Variants in RAB11FIP3 observed in about 807,000 individuals in gnomAD.
RAB11FIP3 encodes the protein rab11 family-interacting protein 3.
In RAB11FIP3, 17 loss-of-function variants were observed where a neutral mutation model predicts 77.8. That is an observed-to-expected ratio of 0.22 (90% CI 0.15 to 0.33). The LOEUF is 0.33. Ranked by LOEUF, RAB11FIP3 falls within the 10% of genes least tolerant of loss-of-function variation. The pLI is 1.00. For synonymous variants in RAB11FIP3, 437 were observed against 448.2 expected (o/e 0.98, Z 0.31); for missense variants, 1,005 against 1,011.2 (o/e 0.99, Z 0.08).
rs1442055007 is a variant in RAB11FIP3 at position 514,408 on chromosome 16, C to G, written c.1640+3608C>G. Among the ~76,000 whole-genome samples, 1 of 152,218 alleles carries G rather than the reference C, an allele frequency of 6.6e-6. No individual in the cohort carries two copies. Among genetic ancestry groups the G allele is most frequent in the Non-Finnish European group, 1.5e-5 (1 of 68,036 alleles). ...GCAGAGGATCTGGAGGCAGGACTCC[C>G]AGCACCTGCGTCGGAACCTCCTGGG... On this transcript the variant is annotated intron_variant, in intron 9 of 13. Transcript: ENST00000262305. The surrounding 1 kb of genome is among the most constrained non-coding windows in gnomAD (Gnocchi z 4.6).
chr16:492,398 G>A (rs549390669), intron 5 of RAB11FIP3, among the ~76,000 whole-genome samples: 1 of 135,228 alleles, frequency 7.4e-6, no homozygotes, highest in Non-Finnish European at 1.6e-5. Flanking sequence ...AGCCCTCCCC[G>A]GGAGACCCGA....
At chr16:474,715 A>C in intron 3 of RAB11FIP3, 1 of 896,256 alleles carries the variant, frequency 1.1e-6, no homozygotes, top group Non-Finnish European at 1.5e-6. Flanking sequence ...TTTTGTGCAA[A>C]CCATTATCAG....
At position 472,713 on chromosome 16, in the gene RAB11FIP3, A is replaced by T. The variant is rs979137409; in HGVS notation, c.903+1324A>T. On this transcript the variant is annotated intron_variant, in intron 3 of 13. Transcript: ENST00000262305. The surrounding 1 kb of genome is among the most constrained non-coding windows in gnomAD (Gnocchi z 4.1). Reference sequence around the variant, plus strand: ...TCTCATGTTTGTTAGGGCATTGTTGATTGTTTATATCCTATGTATGGTGCA... The same window carrying T: ...TCTCATGTTTGTTAGGGCATTGTTGTTTGTTTATATCCTATGTATGGTGCA... Among the ~76,000 whole-genome samples the T allele has an allele frequency of 1.3e-5, 2 of 152,014 alleles. No individual in the cohort carries two copies. The highest frequency in any genetic ancestry group is 1.3e-4 in the Admixed American group (2 of 15,242).
At chr16:508,535 G>A (rs1244286307) in intron 8 of RAB11FIP3, among the ~76,000 whole-genome samples, 5 of 152,120 alleles carry the variant, frequency 3.3e-5, no homozygotes, top group Admixed American at 1.3e-4. Flanking sequence ...CACTGTGCCC[G>A]GCTGATTTTT....
At chr16:497,644 G>A (rs1165767574) in intron 6 of RAB11FIP3, among the ~76,000 whole-genome samples, 2 of 152,126 alleles carry the variant, frequency 1.3e-5, no homozygotes, top group African/African-American at 4.8e-5. Context: ...CCACACTGGT[G>A]GGTTCCTTTG....
chr16:436,025 C>A (rs1195981924), intron 1 of RAB11FIP3, among the ~76,000 whole-genome samples: 3 of 152,014 alleles, frequency 2.0e-5, no homozygotes. Context: ...GAGATGGGAT[C>A]ATTGGCCAGG....
intron 1 of RAB11FIP3, among the ~76,000 whole-genome samples, chr16:435,902 C>A (rs1371940212): frequency 1.3e-5 from 2 of 152,208 alleles, no homozygotes; most frequent in East Asian, 3.9e-4. Flanking sequence ...CTAGATAGAA[C>A]ATTGAATTTG....
At chr16:439,420 A>G (rs1047057876) in intron 1 of RAB11FIP3, 3 of 152,200 alleles carry the variant, frequency 2.0e-5, no homozygotes, top group Non-Finnish European at 2.9e-5. Context: ...GCAAATTGGT[A>G]TTACTCTGGT....
intron 2 of RAB11FIP3, among the ~76,000 whole-genome samples, chr16:462,790 C>T (rs1596229234): frequency 1.4e-5 from 2 of 146,670 alleles, no homozygotes; most frequent in Non-Finnish European, 3.0e-5. Flanking sequence ...TTCCCCAGCA[C>T]CATCCCTTCC....
At chr16:496,674 T>A (rs1267724800) in intron 5 of RAB11FIP3, 150 bp from the exon 6 acceptor site, 1 of 715,720 alleles carries the variant, frequency 1.4e-6, no homozygotes, top group Non-Finnish European at 2.4e-6. Context: ...AGTGAGCATT[T>A]GTGCATGGAC....
chr16:435,078 G>A (rs1324833278), intron 1 of RAB11FIP3, among the ~76,000 whole-genome samples: 1 of 151,728 alleles, frequency 6.6e-6, no homozygotes, highest in East Asian at 1.9e-4. Context: ...AGTGGCGGGT[G>A]CCTATAGTCC....
chr16:489,059 G>A lies in RAB11FIP3; in HGVS notation c.1265+59G>A, dbSNP rs1002013340. 10 of 1,545,846 alleles carry A rather than the reference G, an allele frequency of 6.5e-6. No individual in the cohort carries two copies. In the East Asian group the frequency reaches 1.4e-4, roughly 22 times the overall value. ...CTCTTCTTCCCGTGGTTAGTAGTGG[G>A]AAGTTTCCCTTTTTGGTTCGTGCAT... is the stretch of plus-strand genomic sequence containing the variant. On this transcript the variant is annotated intron_variant, in intron 5 of 13. Transcript: ENST00000262305.
At chr16:487,448 C>G (rs1325367310) in intron 4 of RAB11FIP3, among the ~76,000 whole-genome samples, 1 of 152,108 alleles carries the variant, frequency 6.6e-6, no homozygotes, top group Non-Finnish European at 1.5e-5. Context: ...TGTTTGAGGC[C>G]ATGGGATTCA....
At chr16:516,064 G>A (rs988979041) in intron 9 of RAB11FIP3, among the ~76,000 whole-genome samples, 7 of 152,214 alleles carry the variant, frequency 4.6e-5, no homozygotes, top group Non-Finnish European at 1.0e-4. Flanking sequence ...TGGCCTCCCC[G>A]GCAGTGCAGA....
chr16:487,003 G>A (rs915231680), intron 4 of RAB11FIP3, among the ~76,000 whole-genome samples: 2 of 152,172 alleles, frequency 1.3e-5, no homozygotes, highest in Admixed American at 6.5e-5. Context: ...TTTAGATGGC[G>A]GCTGTGGAAG....
At chr16:510,528 G>C (rs954921882) in intron 8 of RAB11FIP3, 132 bp from the exon 9 acceptor site, 1 of 1,047,396 alleles carries the variant, frequency 9.5e-7, no homozygotes. Flanking sequence ...AGAGCTCGGG[G>C]ATGCCCTTCT....
intron 4 of RAB11FIP3, among the ~76,000 whole-genome samples, chr16:484,555 G>A (rs2141741325): frequency 6.6e-6 from 1 of 152,274 alleles, no homozygotes. Flanking sequence ...GTTTCACCAT[G>A]TTGGTCAGGC....
At chr16:487,257 AG>A (rs2056174474) in intron 4 of RAB11FIP3, among the ~76,000 whole-genome samples, 1 of 151,488 alleles carries the variant, frequency 6.6e-6, no homozygotes, top group Non-Finnish European at 1.5e-5. Flanking sequence ...CAGCCTCCCG[AG>A]TAGCTGGGAC....
chr16:467,899 C>A (rs1596236423), intron 2 of RAB11FIP3, among the ~76,000 whole-genome samples: 1 of 97,900 alleles, frequency 1.0e-5, no homozygotes, highest in Non-Finnish European at 2.0e-5. Context: ...GGTGCAGGGG[C>A]CTCAGGGAGG....
Sources: allele counts gnomAD v4.1 joint callset (sites outside exome capture counted in the v4.1 genomes callset), GRCh38; gene constraint gnomAD v4.1.1; non-coding constraint Gnocchi (gnomAD v3.1); transcripts MANE v1.5; gene names NCBI Gene and HGNC (gene_info 2026-07-23, HGNC 2026-07-21).